The following CCDC171 variants were observed in gnomAD, a reference collection of about 807,000 sequenced individuals.
CCDC171 encodes the protein coiled-coil domain-containing protein 171.
In CCDC171, 177 loss-of-function variants were observed where a neutral mutation model predicts 168.2. That is an observed-to-expected ratio of 1.05 (90% CI 0.93 to 1.19). The LOEUF is 1.19. CCDC171 is among the 50% of genes most tolerant of loss of function. The pLI is 0.00. For missense variants in CCDC171, 1,991 were observed against 1,539.0 expected (o/e 1.29, Z -4.91); for synonymous variants, 687 against 540.8 (o/e 1.27, Z -3.75).
Position 15,802,534 on chromosome 9 carries a change from T to C in CCDC171, c.3267+17840T>C, listed in dbSNP as rs2058875640. Among the ~76,000 whole-genome samples the C allele has an allele frequency of 2.0e-5, 3 of 152,264 alleles. No homozygotes were observed. The South Asian group carries it at 6.2e-4, about 32-fold the overall frequency. Reference sequence around the variant, plus strand: ...TTGGTTTTCTGTTCCTGTATTAGTTTGCTAAGGATAATGGTCTCCAGCTCC... The same window carrying C: ...TTGGTTTTCTGTTCCTGTATTAGTTCGCTAAGGATAATGGTCTCCAGCTCC... On this transcript the variant is annotated intron_variant, in intron 21 of 25. Transcript: ENST00000380701.
At chr9:16,057,905 G>C (rs1197577760) in intron 1 of CCDC171, among the ~76,000 whole-genome samples, 1 of 152,220 alleles carries the variant, frequency 6.6e-6, no homozygotes, top group Non-Finnish European at 1.5e-5. Context: ...GTGGCCCTGA[G>C]TGTTTGCTGT....
the CCDC171 span, among the ~76,000 whole-genome samples, chr9:16,094,296 T>C: frequency 6.6e-6 from 1 of 152,228 alleles, no homozygotes; most frequent in Non-Finnish European, 1.5e-5. Flanking sequence ...ATGTTGACTC[T>C]AGTGGTCCAG....
chr9:16,086,861 G>T, the CCDC171 span, among the ~76,000 whole-genome samples: 1 of 152,108 alleles, frequency 6.6e-6, no homozygotes, highest in Non-Finnish European at 1.5e-5. Context: ...TTCTGCTGTG[G>T]GCATTTAGTG....
At chr9:15,780,531 T>C (rs2057610567) in intron 20 of CCDC171, among the ~76,000 whole-genome samples, 1 of 152,060 alleles carries the variant, frequency 6.6e-6, no homozygotes. Context: ...AAAAAAATTA[T>C]ATTTATTTTA....
At chr9:15,661,742 TG>T (rs1442526199) in intron 8 of CCDC171, among the ~76,000 whole-genome samples, 1 of 152,230 alleles carries the variant, frequency 6.6e-6, no homozygotes, top group Non-Finnish European at 1.5e-5. Context: ...GACTCAAATT[TG>T]TTATTTTGTA....
chr9:15,814,404 C>G (rs1052861162), intron 21 of CCDC171, among the ~76,000 whole-genome samples: 15 of 152,200 alleles, frequency 9.9e-5, no homozygotes, highest in African/African-American at 3.6e-4. Flanking sequence ...AAATTAGGCT[C>G]TTATAAATGA....
intron 23 of CCDC171, among the ~76,000 whole-genome samples, chr9:15,869,622 C>A (rs2061945790): frequency 6.6e-6 from 1 of 151,086 alleles, no homozygotes; most frequent in African/African-American, 2.4e-5. Flanking sequence ...CTCCAGTATG[C>A]CTTTTCTACT....
intron 11 of CCDC171, among the ~76,000 whole-genome samples, chr9:15,719,248 T>G (rs748547609): frequency 2.2e-4 from 33 of 151,850 alleles, no homozygotes; most frequent in Middle Eastern, 3.2e-3. Context: ...AAAGAATTAG[T>G]GAGCTTGAAG....
Position 15,744,388 on chromosome 9 carries a change from G to C in CCDC171, c.2165G>C (p.Arg722Thr), listed in dbSNP as rs1231662799. The C allele has an allele frequency of 6.2e-7, 1 of 1,614,152 alleles. No individual in the cohort carries two copies. Among genetic ancestry groups the C allele is most frequent in the East Asian group, 2.2e-5 (1 of 44,870 alleles). ...AAAAAACTGTTATCACAGACTCAAA[G>C]GGAACAGATGTCCTTGCTGGCAGCC... ...HFKKLLSQTQ[R>T]EQMSLLAACA... The change falls in exon 17 of 26, where the codon AGG becomes ACG. Residue 722 changes from arginine (R) to threonine (T), a missense_variant. By Grantham distance (71) the Arg-to-Thr change is moderately conservative. Transcript: ENST00000380701.
intron 16 of CCDC171, among the ~76,000 whole-genome samples, chr9:15,734,736 T>C (rs1230767363): frequency 6.6e-6 from 1 of 152,206 alleles, no homozygotes; most frequent in Non-Finnish European, 1.5e-5. Flanking sequence ...TGATTAATTC[T>C]ATATCTTTTA....
chr9:15,760,258 A>G (rs548011735), intron 18 of CCDC171, among the ~76,000 whole-genome samples: 23 of 152,302 alleles, frequency 1.5e-4, no homozygotes, highest in African/African-American at 5.1e-4. Flanking sequence ...CTAAGCTTTT[A>G]ATAATAACTG....
At chr9:15,562,408 G>C (rs1176092359) in intron 1 of CCDC171, among the ~76,000 whole-genome samples, 2 of 152,076 alleles carry the variant, frequency 1.3e-5, no homozygotes, top group Non-Finnish European at 2.9e-5. Flanking sequence ...GTATTCTCCT[G>C]GTTATATATC....
chr9:15,573,697 GT>G (rs1316519707), intron 3 of CCDC171, among the ~76,000 whole-genome samples: 1 of 152,106 alleles, frequency 6.6e-6, no homozygotes, highest in South Asian at 2.1e-4. Flanking sequence ...TCTAAAACTT[GT>G]TTTTTTAAAA....
intron 6 of CCDC171, among the ~76,000 whole-genome samples, chr9:15,611,501 A>G (rs2043692371): frequency 6.6e-6 from 1 of 152,132 alleles, no homozygotes; most frequent in African/African-American, 2.4e-5. Flanking sequence ...CTAGAAAGAA[A>G]TCTTTCCGTC....
At position 15,898,392 on chromosome 9, in the gene CCDC171, C is replaced by T. The variant is rs982737700; in HGVS notation, c.3601-21878C>T. ...TGAGGCAACAGGCTGCAGAGGGTCT[C>T]AGAATAGCTGGTGTTGCTATCACAG... On this transcript the variant is annotated intron_variant, in intron 24 of 25. Coordinates refer to ENST00000380701, the MANE Select transcript of CCDC171 (RefSeq NM_173550.4). 7.0e-4 allele frequency among the ~76,000 whole-genome samples: 107 copies of T among 152,074 alleles called. 1 individual carries two copies. The highest frequency in any genetic ancestry group is 2.4e-3 in the African/African-American group (98 of 41,418).
At chr9:16,078,266 A>G in the CCDC171 span, among the ~76,000 whole-genome samples, 1 of 152,158 alleles carries the variant, frequency 6.6e-6, no homozygotes, top group East Asian at 1.9e-4. Flanking sequence ...ATTCTCTCCA[A>G]GGTGTGAATC....
intron 25 of CCDC171, among the ~76,000 whole-genome samples, chr9:15,962,928 C>T (rs922508483): frequency 6.6e-6 from 1 of 151,330 alleles, no homozygotes; most frequent in African/African-American, 2.4e-5. Flanking sequence ...CACATAAACA[C>T]ATGTATACAT....
intron 21 of CCDC171, among the ~76,000 whole-genome samples, chr9:15,795,219 A>T (rs765273636): frequency 5.3e-5 from 8 of 152,288 alleles, no homozygotes; most frequent in Middle Eastern, 6.8e-3. Context: ...GAAGTAGGGA[A>T]GGGGGCCAAA....
intron 21 of CCDC171, among the ~76,000 whole-genome samples, chr9:15,830,934 C>T (rs2136232697): frequency 6.8e-6 from 1 of 146,024 alleles, no homozygotes; most frequent in Admixed American, 6.8e-5. Flanking sequence ...GCAATTTTGG[C>T]TTTTTCTACC....
Sources: allele counts gnomAD v4.1 joint callset (sites outside exome capture counted in the v4.1 genomes callset), GRCh38; gene constraint gnomAD v4.1.1; transcripts MANE v1.5; gene names NCBI Gene and HGNC (gene_info 2026-07-23, HGNC 2026-07-21).